Variants in SPTA1 observed in about 807,000 individuals in gnomAD.
SPTA1 encodes the protein spectrin alpha, erythrocytic 1, also known as spectrin alpha chain, erythrocytic 1.
A neutral mutation model predicts 324.7 loss-of-function variants in SPTA1; 177 were observed. The observed-to-expected ratio is 0.55, with a 90% CI of 0.48 to 0.62. SPTA1 has a LOEUF of 0.62. Among genes scored for constraint, SPTA1 ranks in the 20% least tolerant of loss-of-function variants. SPTA1 has a pLI of 0.00. For missense variants in SPTA1, 3,162 were observed against 2,883.6 expected (o/e 1.10, Z -2.21); for synonymous variants, 1,195 against 1,041.3 (o/e 1.15, Z -2.84).
intron 10 of SPTA1, among the ~76,000 whole-genome samples, chr1:158,673,909 G>A (rs1163403518): frequency 6.6e-6 from 1 of 152,054 alleles, no homozygotes; most frequent in African/African-American, 2.4e-5. Context: ...CCAACCATGG[G>A]TATAAAATAT....
chr1:158,642,581 A>G, intron 32 of SPTA1, 39 bp from the exon 33 acceptor site: 1 of 1,611,354 alleles, frequency 6.2e-7, no homozygotes, highest in African/African-American at 1.3e-5. Flanking sequence ...TTATCTTTTT[A>G]TTTATGGTGA....
intron 7 of SPTA1, 65 bp downstream of exon 7, chr1:158,677,625 G>T: frequency 6.3e-7 from 1 of 1,595,486 alleles, no homozygotes; most frequent in Non-Finnish European, 8.6e-7. Context: ...ACGGTAATAG[G>T]CAAGATAATC....
chr1:158,615,641 TTAG>T (rs1171154556), intron 47 of SPTA1, among the ~76,000 whole-genome samples: 2 of 152,126 alleles, frequency 1.3e-5, no homozygotes, highest in Non-Finnish European at 2.9e-5. Flanking sequence ...AATCTAAGAG[TTAG>T]TAGTTATACA....
At chr1:158,644,076 G>C (rs886847757) in intron 30 of SPTA1, among the ~76,000 whole-genome samples, 177 bp downstream of exon 30, 1 of 151,508 alleles carries the variant, frequency 6.6e-6, no homozygotes, top group Non-Finnish European at 1.5e-5. Context: ...GGCAGAGGTT[G>C]CAGTCAGCCG....
At chr1:158,626,741 C>T (rs1421972937) in intron 41 of SPTA1, 98 bp downstream of exon 41, 2 of 1,510,530 alleles carry the variant, frequency 1.3e-6, no homozygotes, top group Non-Finnish European at 1.8e-6. Context: ...GGAAACACCT[C>T]CTTTCATACA....
rs1008061572 is a variant in SPTA1 at position 158,617,654 on chromosome 1, C to T, written c.6549-66G>A. 5.0e-6 allele frequency: 7 copies of T among 1,403,596 alleles called. No individual in the cohort carries two copies. In the African/African-American group the frequency reaches 7.1e-5, roughly 14 times the overall value. The allele number at this position is 1,403,596 out of a possible 1,614,324, so 86.9% of individuals were successfully genotyped here. A position where few individuals can be genotyped will look rare whatever the true frequency, so the allele number is the denominator to read the frequency against. ...AGGTCAATATTTCATACATGCATAC[C>T]AACTCGAAGCTCCTCTGTTTCAACT... On this transcript the variant is annotated intron_variant, in intron 46 of 51. Transcript: ENST00000643759.
chr1:158,685,363 A>T lies in SPTA1; in HGVS notation c.25-16T>A. 1.2e-6 allele frequency: 2 copies of T among 1,612,048 alleles called. No individual in the cohort carries two copies. The highest frequency in any genetic ancestry group is 1.7e-6 in the Non-Finnish European group (2 of 1,179,726). On this transcript the variant is annotated splice_polypyrimidine_tract_variant and intron_variant, in intron 1 of 51. Coordinates refer to ENST00000643759, the MANE Select transcript of SPTA1 (RefSeq NM_003126.4). ...TCTCCACAACCTGCAAGTTAAAAAGATTCTGTTACTTGCTAGTTCTCAAAT... is the reference window on the plus strand; with the variant it reads ...TCTCCACAACCTGCAAGTTAAAAAGTTTCTGTTACTTGCTAGTTCTCAAAT...
chr1:158,676,291 T>C lies in SPTA1; in HGVS notation c.962A>G (p.Lys321Arg). 1 of 1,613,472 alleles carries C rather than the reference T, an allele frequency of 6.2e-7. No homozygotes were observed. Among genetic ancestry groups the C allele is most frequent in the Non-Finnish European group, 8.5e-7 (1 of 1,179,614 alleles). ...CTTCTCTGCTTTAGCACATAACTCC[T>C]TCACCTTTGGGATGAAAAAGAAACC... Reference protein sequence around the residue: ...RNLAVMSDKVKELCAKAEKLT... With the variant: ...RNLAVMSDKVRELCAKAEKLT... Residue 321 changes from lysine (K) to arginine (R), a missense_variant, in exon 8 of 52, where the codon AAG becomes AGG. Transcript: ENST00000643759.
chr1:158,680,809 C>T (rs1571530551), intron 4 of SPTA1, 80 bp from the exon 5 acceptor site: 1 of 1,574,810 alleles, frequency 6.3e-7, no homozygotes, highest in Non-Finnish European at 8.7e-7. Context: ...CTCCTGCTTG[C>T]ATTCCCAGGA....
chr1:158,612,605 G>A, intron 51 of SPTA1: 1 of 563,816 alleles, frequency 1.8e-6, no homozygotes, highest in Non-Finnish European at 3.2e-6. Context: ...ATTTTGAATT[G>A]ACTCTCACAT....
At chr1:158,658,967 T>C (rs1653016880) in intron 18 of SPTA1, among the ~76,000 whole-genome samples, 1 of 152,014 alleles carries the variant, frequency 6.6e-6, no homozygotes, top group Non-Finnish European at 1.5e-5. Flanking sequence ...AATTTATGGA[T>C]AGAAGACCTG....
chr1:158,662,803 T>C lies in SPTA1; in HGVS notation c.2363A>G (p.Lys788Arg). The C allele has an allele frequency of 6.2e-7, 1 of 1,614,062 alleles. No individual in the cohort carries two copies. Among genetic ancestry groups the C allele is most frequent in the Admixed American group, 1.7e-5 (1 of 59,998 alleles). The change falls in exon 17 of 52, where the codon AAG becomes AGG. Residue 788 changes from lysine to arginine, a missense_variant. By Grantham distance (26) the Lys-to-Arg change is conservative. Coordinates refer to ENST00000643759, the MANE Select transcript of SPTA1 (RefSeq NM_003126.4). ...CTGCAGATGGAGAAGGTCTAAGAGC[T>C]TCTTCTTTCGGGTGGCCAGTGGCTC... ...LKEPLATRKK[K>R]LLDLLHLQLI...
At position 158,671,583 on chromosome 1, in the gene SPTA1, G is replaced by A. The variant is rs796503594; in HGVS notation, c.1489-130C>T. ...GAATTAGCACACATTATGATAATGGGTAGAAATTAACTTTAAACAGCAGGA... is the reference window on the plus strand; with the variant it reads ...GAATTAGCACACATTATGATAATGGATAGAAATTAACTTTAAACAGCAGGA... On this transcript the variant is annotated intron_variant, in intron 11 of 51. Coordinates refer to ENST00000643759, the MANE Select transcript of SPTA1 (RefSeq NM_003126.4). The A allele has an allele frequency of 3.4e-5, 25 of 735,266 alleles. No homozygotes were observed. In the African/African-American group the frequency reaches 4.3e-4, roughly 13 times the overall value. The allele number at this position is 735,266 out of a possible 1,614,324, so 45.5% of individuals were successfully genotyped here. A position where few individuals can be genotyped will look rare whatever the true frequency, so the allele number is the denominator to read the frequency against.
At chr1:158,682,891 GAC>G (rs1294646034) in intron 3 of SPTA1, among the ~76,000 whole-genome samples, 3 of 152,120 alleles carry the variant, frequency 2.0e-5, no homozygotes, top group African/African-American at 7.2e-5. Flanking sequence ...AATAAGAAGG[GAC>G]AGTTTGGAGA....
At chr1:158,619,611 T>C (rs149084466) in intron 44 of SPTA1, among the ~76,000 whole-genome samples, 2 of 152,328 alleles carry the variant, frequency 1.3e-5, no homozygotes, top group Admixed American at 6.5e-5. Flanking sequence ...CTCCTGTTTA[T>C]AATTTCTTTT....
At chr1:158,638,629 A>C (rs1482376765) in intron 35 of SPTA1, among the ~76,000 whole-genome samples, 1 of 151,874 alleles carries the variant, frequency 6.6e-6, no homozygotes, top group Admixed American at 6.6e-5. Context: ...CACTGTGGCC[A>C]ACATGGTGAA....
Position 158,610,936 on chromosome 1 carries a change from T to C in SPTA1, c.*328A>G. 4.1e-6 allele frequency: 1 copy of C among 242,844 alleles called. No individual in the cohort carries two copies. The highest frequency in any genetic ancestry group is 5.6e-5 in the South Asian group (1 of 18,016). The allele number at this position is 242,844 out of a possible 1,614,324, so 15.0% of individuals were successfully genotyped here. ...ATATTTTTAAAAAGAATTACTTTATTCTATAATCGGAATAAAGCAAAATGA... is the reference window on the plus strand; with the variant it reads ...ATATTTTTAAAAAGAATTACTTTATCCTATAATCGGAATAAAGCAAAATGA... On this transcript the variant is annotated 3_prime_UTR_variant, in exon 52 of 52. Coordinates refer to ENST00000643759, the MANE Select transcript of SPTA1 (RefSeq NM_003126.4).
chr1:158,645,783 T>G (rs1651956074), intron 27 of SPTA1, among the ~76,000 whole-genome samples, 189 bp from the exon 28 acceptor site: 1 of 152,262 alleles, frequency 6.6e-6, no homozygotes, highest in African/African-American at 2.4e-5. Context: ...CCCTTGTATT[T>G]GAAAGCCTCT....
intron 12 of SPTA1, 80 bp from the exon 13 acceptor site, chr1:158,669,866 A>T: frequency 7.2e-7 from 1 of 1,389,238 alleles, no homozygotes; most frequent in Non-Finnish European, 1.0e-6. Context: ...TAGCTGTTTA[A>T]AGATGAAGAA....
Sources: allele counts gnomAD v4.1 joint callset (sites outside exome capture counted in the v4.1 genomes callset), GRCh38; gene constraint gnomAD v4.1.1; transcripts MANE v1.5; gene names NCBI Gene and HGNC (gene_info 2026-07-23, HGNC 2026-07-21).